The following DCLRE1A variants were observed in gnomAD, a reference collection of about 807,000 sequenced individuals.
DCLRE1A encodes DNA cross-link repair 1A.
In DCLRE1A, 64 loss-of-function variants were observed where a neutral mutation model predicts 91.9. The observed-to-expected ratio is 0.70, with a 90% CI of 0.57 to 0.86. The LOEUF (loss-of-function observed/expected upper bound fraction) is 0.86, where lower values mean the gene tolerates loss of function less well. Among genes scored for constraint, DCLRE1A ranks in the 40% least tolerant of loss-of-function variants. The pLI, the probability that DCLRE1A is intolerant of heterozygous loss-of-function variation, is 0.00. For missense variants in DCLRE1A, 1,145 were observed against 1,213.3 expected (o/e 0.94, Z 0.84); for synonymous variants, 416 against 431.1 (o/e 0.96, Z 0.43).
chr10:113,847,410 C>A, intron 2 of DCLRE1A, 75 bp from the exon 3 acceptor site: 2 of 1,500,362 alleles, frequency 1.3e-6, no homozygotes, highest in South Asian at 1.3e-5. Context: ...ACTGAATGAA[C>A]CCTCTATCCT....
chr10:113,843,061 CACACACAG>C (rs1845472359), intron 5 of DCLRE1A, among the ~76,000 whole-genome samples: 1 of 144,064 alleles, frequency 6.9e-6, no homozygotes, highest in South Asian at 2.2e-4. Flanking sequence ...CACACACACA[CACACACAG>C]ATACATGCAA....
At chr10:113,840,522 G>T (rs755176286) in intron 7 of DCLRE1A, among the ~76,000 whole-genome samples, 3 of 152,026 alleles carry the variant, frequency 2.0e-5, no homozygotes, top group Non-Finnish European at 2.9e-5. Context: ...ATCTTGCTCA[G>T]AAATCTTACT....
At chr10:113,854,351 T>C (rs1423094618), upstream of DCLRE1A, 1 of 152,418 alleles carries the variant, frequency 6.6e-6, no homozygotes, top group Non-Finnish European at 1.5e-5. Flanking sequence ...CTACCCGCTT[T>C]ACCTTTAGGG....
In DCLRE1A at chr10:113,840,115, G is replaced by GA. The variant is rs568554444; in HGVS notation, c.2820+1290dup. On this transcript the variant is annotated intron_variant, in intron 7 of 8. Transcript: ENST00000361384. ...TTGAGATCAGCCTGGTCAACATGGTGAAACCCCATCTCTACTAAAAATACA... is the reference window on the plus strand; with the variant it reads ...TTGAGATCAGCCTGGTCAACATGGTGAAAACCCCATCTCTACTAAAAATACA... 2.8e-4 allele frequency among the ~76,000 whole-genome samples: 43 copies of GA among 152,152 alleles called. No individual in the cohort carries two copies. In the East Asian group the frequency reaches 8.3e-3, roughly 29 times the overall value.
At chr10:113,852,581 C>T in intron 1 of DCLRE1A, 142 bp downstream of exon 1, 2 of 765,656 alleles carry the variant, frequency 2.6e-6, no homozygotes, top group Non-Finnish European at 2.1e-6. Context: ...ACAATTATAC[C>T]GTTGACTGGT....
At chr10:113,844,363 C>T (rs1053374646) in intron 4 of DCLRE1A, 119 bp from the exon 5 acceptor site, 9 of 1,305,122 alleles carry the variant, frequency 6.9e-6, no homozygotes, top group Non-Finnish European at 9.3e-6. Context: ...CATAGCATTG[C>T]ACTACAGGAA....
In DCLRE1A at chr10:113,847,332, G is replaced by T. The variant is rs779913232; in HGVS notation, c.2129C>A (p.Thr710Asn). Residue 710 changes from threonine (T) to asparagine (N), a missense_variant, in exon 3 of 9, where the codon ACC becomes AAC. Coordinates refer to ENST00000361384, the MANE Select transcript of DCLRE1A (RefSeq NM_014881.5). ...TCPFYKKIPG[T>N]GFTVDAFQYG... ...CTGAAAGGCATCAACTGTAAAGCCG[G>T]TTCCTGCAATAAAAATACCGACACA... The T allele has an allele frequency of 1.2e-6, 2 of 1,613,316 alleles. No homozygotes were observed. The highest frequency in any genetic ancestry group is 4.5e-5 in the East Asian group (2 of 44,854).
At chr10:113,846,455 C>T (rs74157529) in intron 3 of DCLRE1A, among the ~76,000 whole-genome samples, 234 of 152,270 alleles carry the variant, frequency 1.5e-3, no homozygotes, top group African/African-American at 5.4e-3. Context: ...AAAACTGTGT[C>T]TAACCTTAGC....
At position 113,835,134 on chromosome 10, in the gene DCLRE1A, G is replaced by A. The variant is rs765296635; in HGVS notation, c.*18C>T. Reference sequence around the variant, plus strand: ...ACATCCAAGGAACTTAACTACTACTGAATCCTCGGAGGTATCATCAATATC... The same window carrying A: ...ACATCCAAGGAACTTAACTACTACTAAATCCTCGGAGGTATCATCAATATC... On this transcript the variant is annotated 3_prime_UTR_variant, in exon 9 of 9. Transcript: ENST00000361384. 1.1e-5 allele frequency: 18 copies of A among 1,607,076 alleles called. No individual in the cohort carries two copies. Among genetic ancestry groups the A allele is most frequent in the Non-Finnish European group, 4.2e-6 (5 of 1,177,158 alleles).
rs1423039163 is a variant in DCLRE1A at position 113,849,100 on chromosome 10, C to G, written c.2005G>C (p.Val669Leu). 1 of 1,613,990 alleles carries G rather than the reference C, an allele frequency of 6.2e-7. No individual in the cohort carries two copies. The highest frequency in any genetic ancestry group is 8.5e-7 in the Non-Finnish European group (1 of 1,180,010). Reference protein sequence around the residue: ...TESEAVNLSKVKVFTKSAHGG... With the variant: ...TESEAVNLSKLKVFTKSAHGG... ...TGAGCTGATTTTGTGAAGACTTTGACTTTACTTAAATTGACTGCTTCAGAT... is the reference window on the plus strand; with the variant it reads ...TGAGCTGATTTTGTGAAGACTTTGAGTTTACTTAAATTGACTGCTTCAGAT... Residue 669 changes from valine to leucine, a missense_variant, in exon 2 of 9, where the codon GTC becomes CTC. By Grantham distance (32) the Val-to-Leu change is conservative (BLOSUM62 1). Transcript: ENST00000361384.
At chr10:113,848,444 T>C (rs1412016064) in intron 2 of DCLRE1A, among the ~76,000 whole-genome samples, 17 of 152,204 alleles carry the variant, frequency 1.1e-4, no homozygotes. Context: ...AGAACATCAA[T>C]AAAGCACTTT....
chr10:113,843,873 A>T lies in DCLRE1A; in HGVS notation c.2519+231T>A, dbSNP rs75721205. Among the ~76,000 whole-genome samples, 266 of 152,366 alleles carry T rather than the reference A, an allele frequency of 1.7e-3. 1 individual carries two copies. The highest frequency in any genetic ancestry group is 6.1e-3 in the African/African-American group (254 of 41,590). ...TCCTTGTTTTAGTAACAGGATTCTCATGTAACATATTTTCAAAAATAAATC... is the reference window on the plus strand; with the variant it reads ...TCCTTGTTTTAGTAACAGGATTCTCTTGTAACATATTTTCAAAAATAAATC... On this transcript the variant is annotated intron_variant, in intron 5 of 8. Coordinates refer to ENST00000361384, the MANE Select transcript of DCLRE1A (RefSeq NM_014881.5).
Position 113,845,707 on chromosome 10 carries a change from C to CT in DCLRE1A, c.2355dup (p.Val786SerfsTer5). 6.2e-7 allele frequency: 1 copy of CT among 1,614,102 alleles called. No homozygotes were observed. The highest frequency in any genetic ancestry group is 8.5e-7 in the Non-Finnish European group (1 of 1,179,990). On this transcript the variant is annotated frameshift_variant, in exon 4 of 9. Transcript: ENST00000361384. LOFTEE classifies it high-confidence loss of function. ...TACTGATTGGCATCAAGCAAAACAA[C>CT]TTTGACACCATTCACAATACATTCA...
Position 113,835,026 on chromosome 10 carries a change from A to C in DCLRE1A, c.*126T>G, listed in dbSNP as rs1187851804. On this transcript the variant is annotated 3_prime_UTR_variant, in exon 9 of 9. Coordinates refer to ENST00000361384, the MANE Select transcript of DCLRE1A (RefSeq NM_014881.5). ...CATGTTGTTCAAACATAAATGAGAA[A>C]ATAAAGTATCTGAACAATCTTCATG... 39 of 989,710 alleles carry C rather than the reference A, an allele frequency of 3.9e-5. No individual in the cohort carries two copies. The highest frequency in any genetic ancestry group is 2.1e-5 in the Non-Finnish European group (14 of 674,274). 61.3% of individuals were successfully genotyped at this position (989,710 alleles called of 1,614,324 possible). A position where few individuals can be genotyped will look rare whatever the true frequency, so the allele number is the denominator to read the frequency against.
intron 8 of DCLRE1A, among the ~76,000 whole-genome samples, chr10:113,835,687 C>T (rs1269160822): frequency 6.6e-6 from 1 of 152,148 alleles, no homozygotes; most frequent in African/African-American, 2.4e-5. Flanking sequence ...GTAATCCCAG[C>T]ACTTTGGGAG....
At chr10:113,838,824 T>G (rs1845400428) in intron 7 of DCLRE1A, among the ~76,000 whole-genome samples, 1 of 152,192 alleles carries the variant, frequency 6.6e-6, no homozygotes, top group Non-Finnish European at 1.5e-5. Context: ...ATACGTGAAC[T>G]TGGGATGTTG....
In DCLRE1A at chr10:113,853,206, G is replaced by T. The variant is rs1845690358; in HGVS notation, c.-24C>A. ...ATGGCAAAATGATTTTATCATTCAAGAAGTATTAATCTTAAGTAAACTGAA... is the reference window on the plus strand; with the variant it reads ...ATGGCAAAATGATTTTATCATTCAATAAGTATTAATCTTAAGTAAACTGAA... On this transcript the variant is annotated 5_prime_UTR_variant, in exon 1 of 9. Coordinates refer to ENST00000361384, the MANE Select transcript of DCLRE1A (RefSeq NM_014881.5). The T allele has an allele frequency of 6.7e-7, 1 of 1,501,774 alleles. No homozygotes were observed. Among genetic ancestry groups the T allele is most frequent in the Non-Finnish European group, 8.8e-7 (1 of 1,130,802 alleles). 93.0% of individuals were successfully genotyped at this position (1,501,774 alleles called of 1,614,324 possible).
At chr10:113,837,027 T>G in intron 8 of DCLRE1A, 35 bp downstream of exon 8, 3 of 1,520,892 alleles carry the variant, frequency 2.0e-6, no homozygotes, top group Non-Finnish European at 2.7e-6. Flanking sequence ...ATAAACATTA[T>G]AAACACTAAA....
At chr10:113,839,941 A>T (rs1379330848) in intron 7 of DCLRE1A, among the ~76,000 whole-genome samples, 1 of 152,174 alleles carries the variant, frequency 6.6e-6, no homozygotes, top group African/African-American at 2.4e-5. Context: ...AGCCTCAAAA[A>T]ATCATTCAAA....
Sources: allele counts gnomAD v4.1 joint callset (sites outside exome capture counted in the v4.1 genomes callset), GRCh38; gene constraint gnomAD v4.1.1; transcripts MANE v1.5; gene names NCBI Gene and HGNC (gene_info 2026-07-23, HGNC 2026-07-21).